ZBBX: variants seen among roughly 807,000 people sequenced by gnomAD.
ZBBX encodes the protein zinc finger B-box domain-containing protein 1.
In ZBBX, 101 loss-of-function variants were observed where a neutral mutation model predicts 108.5. The observed-to-expected ratio is 0.93, with a 90% CI of 0.79 to 1.10. The LOEUF (loss-of-function observed/expected upper bound fraction) is 1.10. Among genes scored for constraint, ZBBX ranks in the 50% least tolerant of loss-of-function variants. The pLI is 0.00. For missense variants in ZBBX, 1,009 were observed against 941.4 expected (o/e 1.07, Z -0.94); for synonymous variants, 356 against 323.4 (o/e 1.10, Z -1.08).
chr3:167,275,694 G>T (rs1727430954), intron 20 of ZBBX, among the ~76,000 whole-genome samples: 1 of 152,014 alleles, frequency 6.6e-6, no homozygotes, highest in Admixed American at 6.5e-5. Context: ...TGGCAGCGAG[G>T]CTGGGGGAGG....
rs754333424 is a variant in ZBBX at position 167,305,717 on chromosome 3, T to C, written c.1651A>G (p.Lys551Glu). The C allele has an allele frequency of 1.9e-6, 3 of 1,611,352 alleles. No individual in the cohort carries two copies. Among genetic ancestry groups the C allele is most frequent in the Non-Finnish European group, 2.5e-6 (3 of 1,179,154 alleles). The change falls in exon 17 of 22, where the codon AAA becomes GAA. Residue 551 changes from lysine to glutamate, a missense_variant. Physicochemically the swap from Lys to Glu is moderately conservative, Grantham distance 56. Transcript: ENST00000675490. ...PIEEKLSQDI[K>E]ESLELSNLYK... ...AGATTGCTCAATTCCAAGGATTCTT[T>C]GATGTCTTGAGATAATTTCTCCTCA... is the stretch of plus-strand genomic sequence containing the variant.
intron 1 of ZBBX, among the ~76,000 whole-genome samples, chr3:167,405,490 C>T (rs1322846536): frequency 6.6e-6 from 1 of 152,122 alleles, no homozygotes; most frequent in Non-Finnish European, 1.5e-5. Context: ...AAGACTTAAG[C>T]AGTCATTACA....
In ZBBX at chr3:167,361,158, A is replaced by G. The variant is rs180897224; in HGVS notation, c.274-435T>C. Among the ~76,000 whole-genome samples, 491 of 152,172 alleles carry G rather than the reference A, an allele frequency of 3.2e-3. 2 individuals carry two copies. Among genetic ancestry groups the G allele is most frequent in the African/African-American group, 0.011 (469 of 41,554 alleles). On this transcript the variant is annotated intron_variant, in intron 6 of 21. Coordinates refer to ENST00000675490, the MANE Select transcript of ZBBX (RefSeq NM_001199201.2). Reference sequence around the variant, plus strand: ...TCTGCTTACACTACTATAGAAACCCATATTATTTTATTTGCCCAATTTAGA... The same window carrying G: ...TCTGCTTACACTACTATAGAAACCCGTATTATTTTATTTGCCCAATTTAGA...
At chr3:167,282,136 T>C in intron 20 of ZBBX, 102 bp downstream of exon 20, 2 of 1,270,180 alleles carry the variant, frequency 1.6e-6, no homozygotes, top group Non-Finnish European at 2.2e-6. Context: ...AAAGGAAAGC[T>C]TTCTTGTTTG....
the ZBBX span, among the ~76,000 whole-genome samples, chr3:167,195,816 A>T: frequency 6.6e-6 from 1 of 152,216 alleles, no homozygotes; most frequent in African/African-American, 2.4e-5. Context: ...GCATAAACTA[A>T]TCAAAAACTG....
At chr3:167,395,876 C>T (rs937487679) in intron 1 of ZBBX, among the ~76,000 whole-genome samples, 1 of 151,948 alleles carries the variant, frequency 6.6e-6, no homozygotes, top group African/African-American at 2.4e-5. Flanking sequence ...GCTTACCTGG[C>T]ATATAAGGAA....
the ZBBX span, among the ~76,000 whole-genome samples, chr3:167,178,542 G>A: frequency 1.3e-5 from 2 of 152,100 alleles, no homozygotes; most frequent in African/African-American, 4.8e-5. Flanking sequence ...GTCTTGACAT[G>A]GCTGCAACTG....
chr3:167,273,210 T>G (rs1471853667), intron 20 of ZBBX, among the ~76,000 whole-genome samples: 1 of 152,170 alleles, frequency 6.6e-6, no homozygotes, highest in East Asian at 1.9e-4. Context: ...AAGGCAAACT[T>G]TAGAAATTGA....
At chr3:167,323,708 G>A (rs1436217585) in intron 11 of ZBBX, among the ~76,000 whole-genome samples, 1 of 152,082 alleles carries the variant, frequency 6.6e-6, no homozygotes, top group Non-Finnish European at 1.5e-5. Context: ...AAATTGATGG[G>A]ATCATGGGTG....
chr3:167,366,822 C>T (rs1321406261), intron 5 of ZBBX: 1 of 455,858 alleles, frequency 2.2e-6, no homozygotes, highest in Admixed American at 2.4e-5. Flanking sequence ...AGATGAGTAT[C>T]ATGATCCATT....
At chr3:167,294,132 A>G (rs959436757) in intron 18 of ZBBX, among the ~76,000 whole-genome samples, 1 of 152,214 alleles carries the variant, frequency 6.6e-6, no homozygotes, top group Admixed American at 6.5e-5. Context: ...AAAGTAATTT[A>G]TAGATTCAAT....
intron 8 of ZBBX, among the ~76,000 whole-genome samples, chr3:167,356,666 A>C (rs1448707063): frequency 6.6e-6 from 1 of 152,176 alleles, no homozygotes; most frequent in East Asian, 1.9e-4. Flanking sequence ...TCAAAGAAAT[A>C]ATTCATTCAT....
the ZBBX span, among the ~76,000 whole-genome samples, chr3:167,233,337 A>C: frequency 2.6e-5 from 4 of 151,820 alleles, no homozygotes; most frequent in African/African-American, 9.7e-5. Flanking sequence ...CAATTAAAAA[A>C]CAAACTCAAG....
At chr3:167,401,870 T>A (rs563621309) in intron 1 of ZBBX, among the ~76,000 whole-genome samples, 3 of 152,134 alleles carry the variant, frequency 2.0e-5, no homozygotes, top group Non-Finnish European at 4.4e-5. Flanking sequence ...TCTGACATTA[T>A]GAGAATGTCA....
intron 17 of ZBBX, among the ~76,000 whole-genome samples, chr3:167,303,180 T>G (rs1006068114): frequency 6.6e-6 from 1 of 152,164 alleles, no homozygotes; most frequent in Non-Finnish European, 1.5e-5. Flanking sequence ...TTAATTGGAT[T>G]TTCTATGGTC....
At chr3:167,337,078 C>A (rs1408231028) in intron 9 of ZBBX, among the ~76,000 whole-genome samples, 1 of 152,032 alleles carries the variant, frequency 6.6e-6, no homozygotes, top group African/African-American at 2.4e-5. Flanking sequence ...TGTGTGACTT[C>A]GGCTAACTTA....
the ZBBX span, among the ~76,000 whole-genome samples, chr3:167,196,665 T>C: frequency 6.6e-6 from 1 of 152,210 alleles, no homozygotes; most frequent in African/African-American, 2.4e-5. Context: ...TCAGTAATAC[T>C]TCAATTTTAG....
intron 20 of ZBBX, among the ~76,000 whole-genome samples, chr3:167,263,567 G>C (rs1458450896): frequency 6.6e-6 from 1 of 152,006 alleles, no homozygotes; most frequent in East Asian, 1.9e-4. Context: ...TTATTTCACT[G>C]TGGTCAGAGA....
Position 167,402,750 on chromosome 3 carries a change from T to C in ZBBX, c.-446+4976A>G, listed in dbSNP as rs1470689022. Among the ~76,000 whole-genome samples the C allele has an allele frequency of 3.3e-5, 5 of 150,856 alleles. No homozygotes were observed. The East Asian group carries it at 7.8e-4, about 23-fold the overall frequency. On this transcript the variant is annotated intron_variant, in intron 1 of 21. Coordinates refer to the ZBBX transcript ENST00000455345. ...ATAAAATAAAATAAGTAAGAAAAAT[T>C]AGTTAAAAATTATATATCTGTAAAC...
Sources: gnomAD v4.1 joint callset for allele counts (sites outside exome capture counted in the v4.1 genomes callset) on GRCh38, gnomAD v4.1.1 for gene constraint, MANE v1.5 for transcripts, NCBI Gene and HGNC (gene_info 2026-07-23, HGNC 2026-07-21) for gene names.